CACNA1G: variants seen among roughly 807,000 people sequenced by gnomAD.
CACNA1G encodes calcium voltage-gated channel subunit alpha1 G.
In CACNA1G, 67 loss-of-function variants were observed where a neutral mutation model predicts 219.4. That is an observed-to-expected ratio of 0.31 (90% confidence interval 0.25 to 0.37). The LOEUF is 0.37. Ranked by LOEUF, CACNA1G falls within the 10% of genes least tolerant of loss-of-function variation. CACNA1G has a pLI of 1.00. For missense variants in CACNA1G, 2,380 were observed against 3,231.4 expected, an observed-to-expected ratio of 0.74 and a Z score of 6.39; for synonymous variants, 1,296 against 1,345.3, an observed-to-expected ratio of 0.96 and a Z score of 0.80.
At position 50,596,860 on chromosome 17, in the gene CACNA1G, G is replaced by A. The variant is rs759629863; in HGVS notation, c.3195G>A (p.Ala1065=). The A allele has an allele frequency of 1.3e-5, 20 of 1,597,212 alleles. No individual in the cohort carries two copies. The East Asian group carries it at 2.9e-4, about 24-fold the overall frequency. Residue 1065 remains alanine, a synonymous_variant, in exon 16 of 38, where the codon GCG becomes GCA. Transcript: ENST00000359106. The surrounding 1 kb of genome is among the most constrained non-coding windows in gnomAD (Gnocchi z 4.8). ...STGLGEALGP[A]SRRTSSSGSA... is the part of the protein sequence containing the mutation. ...GCCTGGGCGAGGCGCTGGGCCCTGC[G>A]TCGCGCCGCACCAGCAGCAGCGGGT...
rs1297458436 is a variant in CACNA1G at position 50,599,456 on chromosome 17, C to T, written c.3287C>T (p.Pro1096Leu). The T allele has an allele frequency of 1.3e-6, 2 of 1,568,652 alleles. No homozygotes were observed. The highest frequency in any genetic ancestry group is 1.4e-5 in the African/African-American group (1 of 73,862). The change falls in exon 17 of 38, where the codon CCC becomes CTC. Residue 1096 changes from proline (P) to leucine (L), a missense_variant. Coordinates refer to ENST00000359106, the MANE Select transcript of CACNA1G (RefSeq NM_018896.5). ...PPSARSSPHS[P>L]WSAASSWTSR... ...AGCGCCCGCAGCTCTCCGCACAGCCCCTGGAGCGCTGCAAGCAGCTGGACC... is the reference window on the plus strand; with the variant it reads ...AGCGCCCGCAGCTCTCCGCACAGCCTCTGGAGCGCTGCAAGCAGCTGGACC...
rs1598572827 is a variant in CACNA1G at position 50,606,773 on chromosome 17, C to T, written c.4423-127C>T. On this transcript the variant is annotated intron_variant, in intron 23 of 37. Transcript: ENST00000359106. ...GGCTCTCCTGGAGCCTGGAGTGTGA[C>T]TCCAGCTTGACCCCTCAAGGGCTGG... 8.5e-6 allele frequency: 6 copies of T among 703,162 alleles called. No homozygotes were observed. The East Asian group carries it at 1.1e-4, about 13-fold the overall frequency. 43.6% of individuals were successfully genotyped at this position (703,162 alleles called of 1,614,324 possible).
chr17:50,613,853 G>A (rs922027443), intron 26 of CACNA1G, among the ~76,000 whole-genome samples: 1 of 151,996 alleles, frequency 6.6e-6, no homozygotes, highest in Non-Finnish European at 1.5e-5. Flanking sequence ...CCATCGCGGT[G>A]TGGATGACCC....
chr17:50,585,761 T>C (rs1004290281), intron 9 of CACNA1G, among the ~76,000 whole-genome samples: 1 of 152,146 alleles, frequency 6.6e-6, no homozygotes, highest in African/African-American at 2.4e-5. Flanking sequence ...AGGTGTTCCC[T>C]GACTTCCCAC....
chr17:50,600,658 G>A lies in CACNA1G; in HGVS notation c.3691-68G>A. ...GACAAGGAGTGAGGCTCGTGACTCT[G>A]CTGAGGAGCCAGGAGCCGGGGAACC... On this transcript the variant is annotated intron_variant, in intron 17 of 37. Transcript: ENST00000359106. The surrounding 1 kb of genome is among the most constrained non-coding windows in gnomAD (Gnocchi z 4.1). 2.2e-6 allele frequency: 3 copies of A among 1,347,816 alleles called. No homozygotes were observed. The highest frequency in any genetic ancestry group is 1.4e-5 in the African/African-American group (1 of 69,976). 83.5% of individuals were successfully genotyped at this position (1,347,816 alleles called of 1,614,324 possible).
Position 50,627,299 on chromosome 17 carries a change from T to C in CACNA1G, c.*548T>C, listed in dbSNP as rs754752053. 2.3e-6 allele frequency: 1 copy of C among 436,908 alleles called. No homozygotes were observed. Among genetic ancestry groups the C allele is most frequent in the African/African-American group, 2.0e-5 (1 of 49,436 alleles). The allele number at this position is 436,908 out of a possible 1,614,324, so 27.1% of individuals were successfully genotyped here. A position where few individuals can be genotyped will look rare whatever the true frequency, so the allele number is the denominator to read the frequency against. The stretch of plus-strand genomic sequence containing the variant: ...GGAGAGCGAGAACCATTTTGGAAAC[T>C]GTAATGTAACTTATTTTTTCCTTTA... On this transcript the variant is annotated 3_prime_UTR_variant, in exon 38 of 38. Coordinates refer to ENST00000359106, the MANE Select transcript of CACNA1G (RefSeq NM_018896.5).
rs1042064320 is a variant in CACNA1G at position 50,626,328 on chromosome 17, C to T, written c.6711C>T (p.Pro2237=). 5.0e-6 allele frequency: 8 copies of T among 1,613,112 alleles called. No individual in the cohort carries two copies. The highest frequency in any genetic ancestry group is 2.2e-5 in the East Asian group (1 of 44,880). ...TGCCCCCTGGCGGCCAGGAGGAGCCCCCATCCCCACGGGACCTGAAGAAGT... is the reference window on the plus strand; with the variant it reads ...TGCCCCCTGGCGGCCAGGAGGAGCCTCCATCCCCACGGGACCTGAAGAAGT... ...DLLPPGGQEE[P]PSPRDLKKCY... Residue 2237 remains proline, a synonymous_variant, in exon 38 of 38, where the codon CCC becomes CCT. Coordinates refer to ENST00000359106, the MANE Select transcript of CACNA1G (RefSeq NM_018896.5). The surrounding 1 kb of genome is among the most constrained non-coding windows in gnomAD (Gnocchi z 4.3).
intron 19 of CACNA1G, 23 bp from the exon 20 acceptor site, chr17:50,602,796 AC>A: frequency 6.2e-7 from 1 of 1,610,732 alleles, no homozygotes; most frequent in Non-Finnish European, 8.5e-7. Context: ...CTGGCGGGCA[AC>A]CCCTGCCTCC....
intron 36 of CACNA1G, 36 bp from the exon 37 acceptor site, chr17:50,624,324 T>TGC: frequency 3.4e-4 from 398 of 1,177,492 alleles, no homozygotes; most frequent in Non-Finnish European, 4.4e-4. Flanking sequence ...CTCCATTCTC[T>TGC]CCCCCCACCC....
intron 13 of CACNA1G, 93 bp downstream of exon 13, chr17:50,592,185 T>C (rs2044466528): frequency 7.2e-7 from 1 of 1,381,094 alleles, no homozygotes; most frequent in Non-Finnish European, 9.8e-7. Flanking sequence ...GTTGCCAACT[T>C]TGGGGGCCTG....
chr17:50,580,294 G>A (rs1426523980), intron 9 of CACNA1G, among the ~76,000 whole-genome samples: 3 of 152,184 alleles, frequency 2.0e-5, no homozygotes, highest in South Asian at 2.1e-4. Flanking sequence ...TTCTGCTTCC[G>A]GGACCCAGGT....
chr17:50,606,828 T>C (rs1309778518), intron 23 of CACNA1G, 72 bp from the exon 24 acceptor site: 2 of 1,105,654 alleles, frequency 1.8e-6, no homozygotes, highest in African/African-American at 1.5e-5. Flanking sequence ...GGAGGCACTT[T>C]GGGGGCAGGT....
chr17:50,573,892 T>G (rs1347163966), intron 7 of CACNA1G, among the ~76,000 whole-genome samples: 1 of 152,236 alleles, frequency 6.6e-6, no homozygotes, highest in Non-Finnish European at 1.5e-5. Context: ...CTAAGCACTT[T>G]CAATGTGCTG....
At chr17:50,580,138 C>T (rs974149901) in intron 9 of CACNA1G, among the ~76,000 whole-genome samples, 4 of 152,066 alleles carry the variant, frequency 2.6e-5, no homozygotes, top group Non-Finnish European at 5.9e-5. Context: ...GCAGTGCCAG[C>T]GGGTGGGCGC....
Position 50,607,979 on chromosome 17 carries a change from G to A in CACNA1G, c.4665G>A (p.Arg1555=), listed in dbSNP as rs1009841596. 1.2e-6 allele frequency: 2 copies of A among 1,613,336 alleles called. No homozygotes were observed. The highest frequency in any genetic ancestry group is 1.7e-6 in the Non-Finnish European group (2 of 1,179,588). ...QHQEEEEARR[R]EEKRLRRLEK... ...AGGAGGAAGAGGAGGCCCGGCGGCG[G>A]GAGGAGAAGCGCCTACGAAGACTGG... Residue 1555 remains arginine (R), a synonymous_variant, in exon 25 of 38, where the codon CGG becomes CGA. Transcript: ENST00000359106.
Position 50,618,104 on chromosome 17 carries a change from C to T in CACNA1G, c.5283C>T (p.Gly1761=), listed in dbSNP as rs775368690. 43 of 1,613,732 alleles carry T rather than the reference C, an allele frequency of 2.7e-5. No individual in the cohort carries two copies. The East Asian group carries it at 4.0e-4, about 15-fold the overall frequency. ...TGTTTTTCATCTTTGCAGCTCTGGG[C>T]GTGGAGCTCTTTGGAGACCTGGGTG... ...MLLFFIFAAL[G]VELFGDLECD... is the part of the protein sequence containing the mutation. Residue 1761 remains glycine, a synonymous_variant, in exon 31 of 38, where the codon GGC becomes GGT. Transcript: ENST00000359106. The surrounding 1 kb of genome is among the most constrained non-coding windows in gnomAD (Gnocchi z 5.3).
At chr17:50,564,303 G>C (rs866800354) in intron 1 of CACNA1G, among the ~76,000 whole-genome samples, 11 of 151,864 alleles carry the variant, frequency 7.2e-5, no homozygotes, top group African/African-American at 1.5e-4. Flanking sequence ...GTGTGAGGGA[G>C]CGCGCTCCCC....
chr17:50,591,932 C>T lies in CACNA1G; in HGVS notation c.2755-5C>T, dbSNP rs926026679. The T allele has an allele frequency of 1.2e-5, 19 of 1,613,936 alleles. No individual in the cohort carries two copies. The highest frequency in any genetic ancestry group is 6.7e-5 in the East Asian group (3 of 44,872). On this transcript the variant is annotated splice_region_variant and splice_polypyrimidine_tract_variant and intron_variant, in intron 12 of 37. Coordinates refer to ENST00000359106, the MANE Select transcript of CACNA1G (RefSeq NM_018896.5). ...TAGGCCCTGATTCCTGTCTTCTGCC[C>T]GCAGATCCTGACCCAGGAGGACTGG...
intron 37 of CACNA1G, among the ~76,000 whole-genome samples, chr17:50,624,955 C>CTTTTTTT (rs3986415): frequency 2.6e-5 from 3 of 117,526 alleles, no homozygotes; most frequent in Admixed American, 9.0e-5. Context: ...AGCCCAGATT[C>CTTTTTTT]TTTTTTTTTT....
Sources: allele counts gnomAD v4.1 joint callset (sites outside exome capture counted in the v4.1 genomes callset), GRCh38; gene constraint gnomAD v4.1.1; non-coding constraint Gnocchi (gnomAD v3.1); transcripts MANE v1.5; gene names NCBI Gene and HGNC (gene_info 2026-07-23, HGNC 2026-07-21).